The following CRYBG3 variants were observed in gnomAD, a reference collection of about 807,000 sequenced individuals.
The protein encoded by CRYBG3 is crystallin beta-gamma domain containing 3.
Under a neutral mutation model 244.2 loss-of-function variants are expected in CRYBG3, and 127 were observed. The ratio of observed to expected loss-of-function variants is 0.52; its 90% CI spans 0.45 to 0.60. The LOEUF (loss-of-function observed/expected upper bound fraction) is 0.60. Among genes scored for constraint, CRYBG3 ranks in the 20% least tolerant of loss-of-function variants. CRYBG3 has a pLI of 0.00. For missense variants in CRYBG3, 3,325 were observed against 3,442.5 expected, an observed-to-expected ratio of 0.97 and a Z score of 0.85; for synonymous variants, 1,132 against 1,195.8, an observed-to-expected ratio of 0.95 and a Z score of 1.10.
intron 1 of CRYBG3, chr3:97,840,729 G>T (rs2038799433): frequency 6.6e-6 from 1 of 152,084 alleles, no homozygotes; most frequent in South Asian, 2.1e-4. Flanking sequence ...CAGAATTTCA[G>T]CAATCTTGAA....
rs541551196 is a variant in CRYBG3 at position 97,885,877 on chromosome 3, GTAGC to G, written c.7153-750_7153-747del. Among the ~76,000 whole-genome samples, 13 of 152,302 alleles carry G rather than the reference GTAGC, an allele frequency of 8.5e-5. No individual in the cohort carries two copies. In the East Asian group the frequency reaches 1.3e-3, roughly 16 times the overall value. On this transcript the variant is annotated intron_variant, in intron 7 of 21. Transcript: ENST00000389622. Reference sequence around the variant, plus strand: ...AACAAGTTCAGCTGTCTAAAGAGTAGTAGCTAGTGCTTGACTAGTGGTTGTAAGT... The same window carrying G: ...AACAAGTTCAGCTGTCTAAAGAGTAGTAGTGCTTGACTAGTGGTTGTAAGT...
In CRYBG3 at chr3:97,881,231, A is replaced by G. The variant is rs1297994782; in HGVS notation, c.7152+12A>G. On this transcript the variant is annotated intron_variant, in intron 7 of 21. Coordinates refer to ENST00000389622, the MANE Select transcript of CRYBG3 (RefSeq NM_153605.4). ...AACGTGTCTTAAAGGTAACAACTGT[A>G]GATTTTTCTATTTTTTATTTGATTT... is the stretch of plus-strand genomic sequence containing the variant. 1.9e-6 allele frequency: 3 copies of G among 1,555,052 alleles called. No homozygotes were observed. Among genetic ancestry groups the G allele is most frequent in the Non-Finnish European group, 1.7e-6 (2 of 1,149,528 alleles).
chr3:97,933,103 C>T (rs1247122203), intron 17 of CRYBG3: 3 of 454,790 alleles, frequency 6.6e-6, no homozygotes, highest in South Asian at 1.6e-5. Flanking sequence ...TGGTGTCTTG[C>T]ATACATTAAT....
At position 97,876,199 on chromosome 3, in the gene CRYBG3, A is replaced by AATATTT. The variant is rs2039369710; in HGVS notation, c.5007_5012dup (p.Ile1670_Tyr1671dup). The AATATTT allele has an allele frequency of 8.1e-7, 1 of 1,231,862 alleles. No homozygotes were observed. Among genetic ancestry groups the AATATTT allele is most frequent in the Admixed American group, 4.2e-5 (1 of 23,676 alleles). The allele number at this position is 1,231,862 out of a possible 1,614,324, so 76.3% of individuals were successfully genotyped here. A position where few individuals can be genotyped will look rare whatever the true frequency, so the allele number is the denominator to read the frequency against. The stretch of plus-strand genomic sequence containing the variant: ...GACACCTGTTACAGTAGACATGGAA[A>AATATTT]ATATTTACCAAACGCATGCTGAAGG... On this transcript the variant is annotated inframe_insertion, in exon 4 of 22. Transcript: ENST00000389622.
At chr3:97,934,733 T>G (rs1264547432) in intron 18 of CRYBG3, among the ~76,000 whole-genome samples, 1 of 152,122 alleles carries the variant, frequency 6.6e-6, no homozygotes, top group African/African-American at 2.4e-5. Flanking sequence ...CAAAACATTT[T>G]AAATGGTTTG....
In CRYBG3 at chr3:97,940,687, C is replaced by T. The variant is rs148443907; in HGVS notation, c.8506-461C>T. ...TAATCACAGCTACTAGTGCCCTCAG[C>T]TATCTGGGTTTTTCAAGACCTCCCA... On this transcript the variant is annotated intron_variant, in intron 19 of 21. Coordinates refer to ENST00000389622, the MANE Select transcript of CRYBG3 (RefSeq NM_153605.4). Among the ~76,000 whole-genome samples, 427 of 152,072 alleles carry T rather than the reference C, an allele frequency of 2.8e-3. 1 individual carries two copies. The highest frequency in any genetic ancestry group is 4.8e-3 in the Non-Finnish European group (323 of 67,928).
chr3:97,893,707 T>C (rs961673045), intron 11 of CRYBG3, among the ~76,000 whole-genome samples: 1 of 152,238 alleles, frequency 6.6e-6, no homozygotes, highest in African/African-American at 2.4e-5. Flanking sequence ...TGTTGATACA[T>C]TGGTTATTTT....
chr3:97,826,472 G>A (rs763421774), intron 1 of CRYBG3, among the ~76,000 whole-genome samples: 4 of 152,112 alleles, frequency 2.6e-5, no homozygotes, highest in Admixed American at 2.0e-4. Context: ...TAAAATAAGA[G>A]AAAATATTCC....
intron 17 of CRYBG3, among the ~76,000 whole-genome samples, chr3:97,926,781 C>G (rs1363003581): frequency 2.0e-5 from 3 of 151,918 alleles, no homozygotes; most frequent in Admixed American, 2.0e-4. Flanking sequence ...CGGTAACGTC[C>G]AAGCTGAGAG....
chr3:97,926,951 T>C (rs2040047538), intron 17 of CRYBG3, among the ~76,000 whole-genome samples: 1 of 152,054 alleles, frequency 6.6e-6, no homozygotes, highest in Admixed American at 6.6e-5. Flanking sequence ...TCCATGCTCA[T>C]GGATAGGAAA....
chr3:97,839,817 T>G (rs1286351293), intron 1 of CRYBG3, among the ~76,000 whole-genome samples: 1 of 151,898 alleles, frequency 6.6e-6, no homozygotes, highest in Non-Finnish European at 1.5e-5. Flanking sequence ...ACTCTTAATC[T>G]TAAGCCATCT....
intron 3 of CRYBG3, among the ~76,000 whole-genome samples, chr3:97,865,279 G>T (rs756014259): frequency 3.8e-4 from 58 of 152,242 alleles, no homozygotes; most frequent in Middle Eastern, 3.4e-3. Flanking sequence ...TGACATAAAA[G>T]TATTCATTTG....
chr3:97,822,987 A>G (rs1358647916), intron 1 of CRYBG3, among the ~76,000 whole-genome samples: 1 of 152,182 alleles, frequency 6.6e-6, no homozygotes, highest in Non-Finnish European at 1.5e-5. Flanking sequence ...ACCCTTCTTT[A>G]TTTCTCATCT....
At chr3:97,884,256 T>G (rs2039483365) in intron 7 of CRYBG3, among the ~76,000 whole-genome samples, 1 of 151,792 alleles carries the variant, frequency 6.6e-6, no homozygotes, top group Non-Finnish European at 1.5e-5. Flanking sequence ...TAATTGGGGG[T>G]GAAGGTAGTA....
intron 2 of CRYBG3, among the ~76,000 whole-genome samples, chr3:97,853,074 T>C (rs2039011267): frequency 6.6e-6 from 1 of 152,150 alleles, no homozygotes; most frequent in Non-Finnish European, 1.5e-5. Flanking sequence ...GATAAGTACT[T>C]TAGTGGTGAT....
chr3:97,884,728 A>C (rs1312743070), intron 7 of CRYBG3, among the ~76,000 whole-genome samples: 1 of 152,164 alleles, frequency 6.6e-6, no homozygotes, highest in African/African-American at 2.4e-5. Context: ...CACCGTGAAG[A>C]TAGAACTTAA....
At chr3:97,894,690 A>G (rs1479962274) in intron 11 of CRYBG3, among the ~76,000 whole-genome samples, 2 of 152,110 alleles carry the variant, frequency 1.3e-5, no homozygotes, top group Admixed American at 6.6e-5. Flanking sequence ...GGTCTTTTAT[A>G]CCTTTTATTT....
At chr3:97,892,806 C>A in intron 10 of CRYBG3, 54 bp from the exon 11 acceptor site, 1 of 941,946 alleles carries the variant, frequency 1.1e-6, no homozygotes, top group Non-Finnish European at 1.5e-6. Flanking sequence ...TTTGGTGTCA[C>A]TTAAGTAAAT....
chr3:97,910,798 T>A (rs937471333), intron 15 of CRYBG3, among the ~76,000 whole-genome samples: 6 of 152,240 alleles, frequency 3.9e-5, no homozygotes, highest in Admixed American at 3.9e-4. Flanking sequence ...TAAAGATATT[T>A]CTATGCAGGA....
Sources: allele counts gnomAD v4.1 joint callset (sites outside exome capture counted in the v4.1 genomes callset), GRCh38; gene constraint gnomAD v4.1.1; transcripts MANE v1.5; gene names NCBI Gene and HGNC (gene_info 2026-07-23, HGNC 2026-07-21).